PHKA1: variants seen among roughly 807,000 people sequenced by gnomAD.
PHKA1 encodes phosphorylase kinase regulatory subunit alpha 1.
PHKA1 carries 60 observed loss-of-function variants against 110.2 expected under a neutral mutation model. The ratio of observed to expected loss-of-function variants is 0.54; its 90% CI spans 0.44 to 0.68. PHKA1 has a LOEUF of 0.68. Ranked by LOEUF, PHKA1 falls within the 30% of genes least tolerant of loss-of-function variation. The probability of loss-of-function intolerance (pLI) is 0.00; values close to 1 mark genes in which losing one functional copy is unlikely to be tolerated. For synonymous variants in PHKA1, 316 were observed against 333.6 expected (o/e 0.95, Z 0.58); for missense variants, 801 against 942.5 (o/e 0.85, Z 1.97).
intron 8 of PHKA1, among the ~76,000 whole-genome samples, chrX:72,661,407 G>A (rs1294953380): frequency 1.8e-5 from 2 of 111,129 alleles, no homozygotes; most frequent in Non-Finnish European, 3.8e-5. Context: ...CTTGTCACTT[G>A]AATCCTGTAA....
At chrX:72,608,482 T>G (rs952663164) in intron 23 of PHKA1, among the ~76,000 whole-genome samples, 2 of 111,537 alleles carry the variant, frequency 1.8e-5, no homozygotes, top group African/African-American at 6.5e-5. Context: ...GAGTCCAGCA[T>G]AGCACAAGGA....
intron 6 of PHKA1, among the ~76,000 whole-genome samples, chrX:72,668,831 C>G (rs1402064295): frequency 9.0e-6 from 1 of 111,579 alleles, no homozygotes; most frequent in East Asian, 2.8e-4. Flanking sequence ...GGATAAGACT[C>G]AAAAGTCCAA....
chrX:72,702,261 A>G (rs1236506070), intron 3 of PHKA1, among the ~76,000 whole-genome samples: 1 of 111,202 alleles, frequency 9.0e-6, no homozygotes, highest in Non-Finnish European at 1.9e-5. Context: ...CAGCCTGGCC[A>G]ACATGGTGAA....
At chrX:72,599,974 T>A (rs896824168) in intron 28 of PHKA1, 1 of 413,472 alleles carries the variant, frequency 2.4e-6, no homozygotes, top group Non-Finnish European at 4.3e-6. Context: ...TATTTCAGTA[T>A]GTAGTCAGCA....
At chrX:72,616,557 C>T (rs930361593) in intron 21 of PHKA1, among the ~76,000 whole-genome samples, 6 of 111,254 alleles carry the variant, frequency 5.4e-5, no homozygotes, top group African/African-American at 9.8e-5. Flanking sequence ...AATAATAGTA[C>T]GGGCCTTCAA....
intron 23 of PHKA1, among the ~76,000 whole-genome samples, chrX:72,606,354 G>A (rs1206829750): frequency 9.9e-6 from 1 of 101,149 alleles, no homozygotes; most frequent in Non-Finnish European, 2.0e-5. Flanking sequence ...TCACACACAT[G>A]CACACACACA....
intron 18 of PHKA1, chrX:72,621,641 G>A: frequency 7.7e-6 from 2 of 260,913 alleles, no homozygotes; most frequent in Non-Finnish European, 1.1e-5. Context: ...GGTTTTTGAT[G>A]ATATTTACTG....
intron 21 of PHKA1, among the ~76,000 whole-genome samples, chrX:72,612,019 G>A (rs1189005767): frequency 9.0e-6 from 1 of 111,706 alleles, no homozygotes; most frequent in Non-Finnish European, 1.9e-5. Context: ...ACATTAACTT[G>A]TACATGAATG....
In PHKA1 at chrX:72,655,723, C is replaced by T. The variant is rs782524744; in HGVS notation, c.1041+397G>A. Among the ~76,000 whole-genome samples, 344 of 110,714 alleles carry T rather than the reference C, an allele frequency of 3.1e-3. 1 individual carries two copies. Among genetic ancestry groups the T allele is most frequent in the African/African-American group, 0.011 (330 of 30,473 alleles). ...CTGCAGGCTCCGCCTCCCAGGTTCACGCCATTCTCCTGCCTCAGCCTCCCG... is the reference window on the plus strand; with the variant it reads ...CTGCAGGCTCCGCCTCCCAGGTTCATGCCATTCTCCTGCCTCAGCCTCCCG... On this transcript the variant is annotated intron_variant, in intron 10 of 31. Transcript: ENST00000373542.
chrX:72,609,876 G>A (rs2052782362), intron 22 of PHKA1, among the ~76,000 whole-genome samples, 173 bp from the exon 23 acceptor site: 1 of 111,635 alleles, frequency 9.0e-6, no homozygotes, highest in Admixed American at 9.5e-5. Flanking sequence ...AAGAAACAAT[G>A]AGGTCTTTTC....
intron 10 of PHKA1, among the ~76,000 whole-genome samples, chrX:72,654,701 T>C (rs781850796): frequency 9.8e-5 from 11 of 112,146 alleles, no homozygotes; most frequent in Non-Finnish European, 2.1e-4. Flanking sequence ...TAGGTTCCTA[T>C]CATTTTGTAT....
intron 16 of PHKA1, among the ~76,000 whole-genome samples, chrX:72,634,566 C>CAA (rs782406506): frequency 2.8e-4 from 14 of 50,418 alleles, no homozygotes; most frequent in Non-Finnish European, 5.4e-4. Context: ...GAAATCCAGT[C>CAA]AAAAAAAAAA....
Position 72,657,655 on chromosome X carries a change from GA to G in PHKA1, c.865-15del. On this transcript the variant is annotated splice_polypyrimidine_tract_variant and intron_variant, in intron 8 of 31. Coordinates refer to ENST00000373542, the MANE Select transcript of PHKA1 (RefSeq NM_002637.4). Reference sequence around the variant, plus strand: ...ACCATAACGACCCTGGGAATACAAAGAAAAAAGGTCAGCAGCTTGTACACTG... The same window carrying G: ...ACCATAACGACCCTGGGAATACAAAGAAAAAGGTCAGCAGCTTGTACACTG... The G allele has an allele frequency of 8.4e-7, 1 of 1,195,391 alleles. No homozygotes were observed. The highest frequency in any genetic ancestry group is 2.2e-5 in the Admixed American group (1 of 45,928).
At chrX:72,642,337 T>C (rs2053306850) in intron 14 of PHKA1, among the ~76,000 whole-genome samples, 1 of 111,479 alleles carries the variant, frequency 9.0e-6, no homozygotes, top group Non-Finnish European at 1.9e-5. Flanking sequence ...AATGAGGCAA[T>C]GGGTAAAATT....
chrX:72,631,870 G>C (rs2053170731), intron 16 of PHKA1, among the ~76,000 whole-genome samples: 1 of 111,595 alleles, frequency 9.0e-6, no homozygotes, highest in African/African-American at 3.2e-5. Context: ...TTTAAAAGTA[G>C]AAGTATTTAA....
In PHKA1 at chrX:72,713,903, T is replaced by G; in HGVS notation, c.-23A>C. 1 of 1,141,253 alleles carries G rather than the reference T, an allele frequency of 8.8e-7. No homozygotes were observed. The highest frequency in any genetic ancestry group is 1.2e-6 in the Non-Finnish European group (1 of 831,888). The allele number at this position is 1,141,253 out of a possible 1,213,427, so 94.1% of individuals were successfully genotyped here. A position where few individuals can be genotyped will look rare whatever the true frequency, so the allele number is the denominator to read the frequency against. On this transcript the variant is annotated 5_prime_UTR_variant, in exon 1 of 32. Transcript: ENST00000373542. ...CATGGCGACACGTTACTAATTGTCC[T>G]CTGAGAAATAGCCCGGGTGCCACCG... is the stretch of plus-strand genomic sequence containing the variant.
At chrX:72,582,149 C>T (rs1295116926) in intron 31 of PHKA1, among the ~76,000 whole-genome samples, 1 of 111,408 alleles carries the variant, frequency 9.0e-6, no homozygotes, top group Non-Finnish European at 1.9e-5. Context: ...CAGGGAAAAG[C>T]ATAAAGCCTC....
intron 4 of PHKA1, among the ~76,000 whole-genome samples, chrX:72,694,518 C>T (rs1412011070): frequency 1.8e-5 from 2 of 112,222 alleles, no homozygotes; most frequent in African/African-American, 3.2e-5. Flanking sequence ...TCCAGCCTTA[C>T]CTTGATGGGC....
chrX:72,655,051 C>G (rs1315178122), intron 10 of PHKA1, among the ~76,000 whole-genome samples: 1 of 110,542 alleles, frequency 9.0e-6, no homozygotes, highest in Non-Finnish European at 1.9e-5. Flanking sequence ...CCCGCCTCGG[C>G]CTCCCAAAGT....
Sources: gnomAD v4.1 joint callset for allele counts (sites outside exome capture counted in the v4.1 genomes callset) on GRCh38, gnomAD v4.1.1 for gene constraint, MANE v1.5 for transcripts, NCBI Gene and HGNC (gene_info 2026-07-23, HGNC 2026-07-21) for gene names.